Variants in LY96 observed in about 807,000 individuals in gnomAD.
The protein encoded by LY96 is lymphocyte antigen 96.
A neutral mutation model predicts 18.9 loss-of-function variants in LY96; 18 were observed. That is an observed-to-expected ratio of 0.95 (90% CI 0.66 to 1.41). LY96 has a LOEUF of 1.41. Among genes scored for constraint, LY96 ranks in the 40% most tolerant of loss-of-function variants. The pLI is 0.00. For missense variants in LY96, 175 were observed against 182.4 expected, an observed-to-expected ratio of 0.96 and a Z score of 0.23; for synonymous variants, 66 against 62.6, an observed-to-expected ratio of 1.06 and a Z score of -0.26.
the LY96 span, among the ~76,000 whole-genome samples, chr8:74,096,855 C>G: frequency 6.6e-6 from 1 of 152,060 alleles, no homozygotes; most frequent in Non-Finnish European, 1.5e-5. Context: ...AGCCTTTGAT[C>G]GGGGGAGACC....
chr8:73,996,510 C>T (rs1816150405), intron 1 of LY96, among the ~76,000 whole-genome samples: 1 of 151,274 alleles, frequency 6.6e-6, no homozygotes, highest in South Asian at 2.1e-4. Context: ...TGCAACCTCC[C>T]AGGTTCAAGC....
At chr8:74,051,794 C>A in the LY96 span, among the ~76,000 whole-genome samples, 1 of 152,134 alleles carries the variant, frequency 6.6e-6, no homozygotes, top group Non-Finnish European at 1.5e-5. Flanking sequence ...TTTGCTGGTG[C>A]CTTGATCTTG....
chr8:74,099,251 G>A, the LY96 span, among the ~76,000 whole-genome samples: 5 of 152,106 alleles, frequency 3.3e-5, no homozygotes, highest in Non-Finnish European at 4.4e-5. Context: ...CCTTGAAAAC[G>A]GTCCTCAGCC....
chr8:74,015,482 C>T (rs1264705441), intron 3 of LY96, among the ~76,000 whole-genome samples: 1 of 152,090 alleles, frequency 6.6e-6, no homozygotes, highest in African/African-American at 2.4e-5. Context: ...TGTGGTCTTC[C>T]CTCCTATGTT....
chr8:74,010,992 T>G (rs1350297506), intron 3 of LY96, among the ~76,000 whole-genome samples: 1 of 152,202 alleles, frequency 6.6e-6, no homozygotes, highest in Admixed American at 6.5e-5. Flanking sequence ...AAGTTTCTCT[T>G]TCTTGAGACC....
chr8:74,042,901 C>T, the LY96 span, among the ~76,000 whole-genome samples: 3 of 151,982 alleles, frequency 2.0e-5, no homozygotes, highest in East Asian at 1.9e-4. Context: ...CTCAGCCTCC[C>T]GAGTAGCTGG....
At chr8:74,031,977 T>G (rs1240896984), downstream of LY96, among the ~76,000 whole-genome samples, 1 of 151,810 alleles carries the variant, frequency 6.6e-6, no homozygotes, top group African/African-American at 2.4e-5. Context: ...ATACAAAAAT[T>G]ATCTGGTAGT....
intron 2 of LY96, among the ~76,000 whole-genome samples, chr8:74,007,782 T>A (rs1196388194): frequency 6.6e-6 from 1 of 152,146 alleles, no homozygotes; most frequent in Non-Finnish European, 1.5e-5. Flanking sequence ...TTTTTTGAGA[T>A]GGAGTCTCAC....
At chr8:74,096,252 T>C in the LY96 span, among the ~76,000 whole-genome samples, 6 of 152,240 alleles carry the variant, frequency 3.9e-5, no homozygotes, top group East Asian at 1.2e-3. Flanking sequence ...TCCCCATTAC[T>C]CTCAAAGTAG....
chr8:74,090,069 G>A, the LY96 span, among the ~76,000 whole-genome samples: 2 of 152,072 alleles, frequency 1.3e-5, no homozygotes, highest in African/African-American at 4.8e-5. Flanking sequence ...TTAGAGCAGG[G>A]GAGGTTTGTG....
At chr8:74,080,860 C>T in the LY96 span, among the ~76,000 whole-genome samples, 2 of 152,184 alleles carry the variant, frequency 1.3e-5, no homozygotes, top group African/African-American at 4.8e-5. Flanking sequence ...TAGTTCCCAG[C>T]CCTGCCTGGC....
At chr8:74,055,713 C>T in the LY96 span, among the ~76,000 whole-genome samples, 25 of 152,258 alleles carry the variant, frequency 1.6e-4, no homozygotes, top group Admixed American at 1.0e-3. Context: ...ATCACATGAT[C>T]CCTTAAGAGC....
the LY96 span, among the ~76,000 whole-genome samples, chr8:74,059,834 T>C: frequency 6.6e-6 from 1 of 152,204 alleles, no homozygotes; most frequent in Non-Finnish European, 1.5e-5. Context: ...TAAATTTTGT[T>C]ACATCCAAAA....
chr8:74,027,724 A>G (rs1010312284), intron 4 of LY96, among the ~76,000 whole-genome samples: 46 of 152,242 alleles, frequency 3.0e-4, no homozygotes, highest in African/African-American at 1.1e-3. Context: ...CAGAGCTTAT[A>G]TACATTCTAA....
At chr8:74,009,887 A>G in intron 2 of LY96, 114 bp from the exon 3 acceptor site, 2 of 758,582 alleles carry the variant, frequency 2.6e-6, no homozygotes, top group South Asian at 1.5e-5. Context: ...GTGATGATTA[A>G]ATGAAATAAT....
the LY96 span, among the ~76,000 whole-genome samples, chr8:74,078,388 A>T: frequency 1.3e-5 from 2 of 152,188 alleles, no homozygotes; most frequent in African/African-American, 4.8e-5. Flanking sequence ...TACTGAGAGC[A>T]TTTTTGAGAG....
rs1563710943 is a variant in LY96 at position 74,002,093 on chromosome 8, T to TTCTTTCTTTCTTTCTTTC, written c.113-2700_113-2699insTTCTTTCTTTCTTTCTCT. On this transcript the variant is annotated intron_variant, in intron 1 of 4. Coordinates refer to ENST00000284818, the MANE Select transcript of LY96 (RefSeq NM_015364.5). ...TTCCTTCCTTTCTTTCTTTCTTTCT[T>TTCTTTCTTTCTTTCTTTC]TCTCTCTCTCTCTCTCTCTCTCTCT... Among the ~76,000 whole-genome samples, 21 of 38,720 alleles carry TTCTTTCTTTCTTTCTTTC rather than the reference T, an allele frequency of 5.4e-4. 1 individual carries two copies. Among genetic ancestry groups the TTCTTTCTTTCTTTCTTTC allele is most frequent in the Admixed American group, 7.2e-4 (2 of 2,770 alleles). The allele number at this position is 38,720 out of a possible 152,430, so 25.4% of individuals were successfully genotyped here. A position where few individuals can be genotyped will look rare whatever the true frequency, so the allele number is the denominator to read the frequency against.
chr8:74,042,575 A>C, the LY96 span, among the ~76,000 whole-genome samples: 2 of 152,198 alleles, frequency 1.3e-5, no homozygotes, highest in Admixed American at 1.3e-4. Context: ...ACACAAGAGC[A>C]TAACTCTTCC....
rs1473838323 is a variant in LY96 at position 74,025,683 on chromosome 8, C to T, written c.332-1106C>T. On this transcript the variant is annotated intron_variant, in intron 3 of 4. Transcript: ENST00000284818. ...AAAAAAAAAAAAAAAAAAGATACAC[C>T]CTTTATCTGCTTTAAAGAAAGAGCA... 3.3e-5 allele frequency among the ~76,000 whole-genome samples: 5 copies of T among 150,160 alleles called. No homozygotes were observed. In the South Asian group the frequency reaches 8.4e-4, roughly 25 times the overall value.
Sources: gnomAD v4.1 joint callset for allele counts (sites outside exome capture counted in the v4.1 genomes callset) on GRCh38, gnomAD v4.1.1 for gene constraint, MANE v1.5 for transcripts, NCBI Gene and HGNC (gene_info 2026-07-23, HGNC 2026-07-21) for gene names.